ERVMER34-1: variants seen among roughly 807,000 people sequenced by gnomAD.
The protein encoded by ERVMER34-1 is endogenous retroviral envelope protein HEMO.
For missense variants in ERVMER34-1, 471 were observed against 295.1 expected, an observed-to-expected ratio of 1.60 and a Z score of -4.37; for synonymous variants, 199 against 111.7, an observed-to-expected ratio of 1.78 and a Z score of -4.93.
intron 2 of ERVMER34-1, among the ~76,000 whole-genome samples, chr4:52,746,243 C>G (rs1716155225): frequency 6.6e-6 from 1 of 152,136 alleles, no homozygotes; most frequent in African/African-American, 2.4e-5. Context: ...TGGTCTGGAA[C>G]CCCTGGCCTC....
chr4:52,747,897 C>T (rs995011722), intron 2 of ERVMER34-1, among the ~76,000 whole-genome samples: 1 of 152,110 alleles, frequency 6.6e-6, no homozygotes, highest in Non-Finnish European at 1.5e-5. Flanking sequence ...ATTAGCCAGG[C>T]GTGGCGGCAT....
Position 52,743,007 on chromosome 4 carries a change from C to T in ERVMER34-1, c.*822G>A, listed in dbSNP as rs567730484. The T allele has an allele frequency of 2.6e-5, 4 of 151,632 alleles. No individual in the cohort carries two copies. In the South Asian group the frequency reaches 6.3e-4, roughly 24 times the overall value. 9.4% of individuals were successfully genotyped at this position (151,632 alleles called of 1,614,324 possible). A position where few individuals can be genotyped will look rare whatever the true frequency, so the allele number is the denominator to read the frequency against. On this transcript the variant is annotated 3_prime_UTR_variant, in exon 3 of 3. Transcript: ENST00000443173. ...AGTATAATCTTTAGCAAGCTATCTA[C>T]CCTTTGAGTTGATTAATCTGTAAAA...
At chr4:52,748,473 G>A (rs1025160793) in intron 2 of ERVMER34-1, among the ~76,000 whole-genome samples, 3 of 152,158 alleles carry the variant, frequency 2.0e-5, no homozygotes, top group African/African-American at 7.2e-5. Context: ...CCCAGAACCA[G>A]ATTTCAATGG....
chr4:52,746,853 C>T (rs771007888), intron 2 of ERVMER34-1, among the ~76,000 whole-genome samples: 2 of 152,134 alleles, frequency 1.3e-5, no homozygotes, highest in Admixed American at 1.3e-4. Flanking sequence ...CTCTTTTTGG[C>T]TCTTTTGATC....
At chr4:52,749,738 G>A (rs182099935) in intron 2 of ERVMER34-1, among the ~76,000 whole-genome samples, 25 of 152,200 alleles carry the variant, frequency 1.6e-4, no homozygotes, top group African/African-American at 5.3e-4. Context: ...GCAGTGAGCC[G>A]AGATGGCAGC....
chr4:52,745,180 G>A lies in ERVMER34-1; in HGVS notation c.341C>T (p.Ala114Val). ...ASMEAQGLSFAQVRLLEGNFS... is the reference protein window; with the variant it reads ...ASMEAQGLSFVQVRLLEGNFS... ...ATTTCCCTCCAATAACCTTACTTGA[G>A]CAAAGGATAGACCTTGAGCTTCCAT... Residue 114 changes from alanine (A) to valine (V), a missense_variant, in exon 3 of 3, where the codon GCT becomes GTT. Ala to Val is a moderately conservative substitution (Grantham distance 64, BLOSUM62 0). Transcript: ENST00000443173. 1 of 704,064 alleles carries A rather than the reference G, an allele frequency of 1.4e-6. No individual in the cohort carries two copies. Among genetic ancestry groups the A allele is most frequent in the East Asian group, 2.7e-5 (1 of 37,280 alleles). 43.6% of individuals were successfully genotyped at this position (704,064 alleles called of 1,614,324 possible).
At position 52,747,853 on chromosome 4, in the gene ERVMER34-1, C is replaced by T. The variant is rs1316323414; in HGVS notation, c.-423-1910G>A. On this transcript the variant is annotated intron_variant, in intron 2 of 2. Transcript: ENST00000443173. ...GGGAGGTCGAGACCAGCCTGACCAA[C>T]ATGGAGAAATCCCATCTCTACTAAA... 2.0e-5 allele frequency among the ~76,000 whole-genome samples: 3 copies of T among 152,226 alleles called. No homozygotes were observed. The East Asian group carries it at 5.8e-4, about 29-fold the overall frequency.
intron 2 of ERVMER34-1, among the ~76,000 whole-genome samples, chr4:52,749,767 CTCTGTCTT>C (rs1390246571): frequency 6.6e-6 from 1 of 152,154 alleles, no homozygotes; most frequent in Non-Finnish European, 1.5e-5. Flanking sequence ...CAGAGCGAGG[CTCTGTCTT>C]AAACAAACAA....
intron 2 of ERVMER34-1, among the ~76,000 whole-genome samples, chr4:52,750,187 TG>T (rs1355893768): frequency 6.6e-6 from 1 of 151,990 alleles, no homozygotes; most frequent in Non-Finnish European, 1.5e-5. Flanking sequence ...TTAGTAGAGA[TG>T]GGGTTTCACC....
At position 52,745,176 on chromosome 4, in the gene ERVMER34-1, T is replaced by C. The variant is rs1396588244; in HGVS notation, c.345A>G (p.Gln115=). Residue 115 remains glutamine (Q), a synonymous_variant, in exon 3 of 3, where the codon CAA becomes CAG. Coordinates refer to ENST00000443173, the MANE Select transcript of ERVMER34-1 (RefSeq NM_001242690.2). ...SMEAQGLSFA[Q]VRLLEGNFSL... is the part of the protein sequence containing the mutation. ...AAAAATTTCCCTCCAATAACCTTACTTGAGCAAAGGATAGACCTTGAGCTT... is the reference window on the plus strand; with the variant it reads ...AAAAATTTCCCTCCAATAACCTTACCTGAGCAAAGGATAGACCTTGAGCTT... 2 of 704,008 alleles carry C rather than the reference T, an allele frequency of 2.8e-6. No homozygotes were observed. Among genetic ancestry groups the C allele is most frequent in the Non-Finnish European group, 5.2e-6 (2 of 385,004 alleles). 43.6% of individuals were successfully genotyped at this position (704,008 alleles called of 1,614,324 possible). A position where few individuals can be genotyped will look rare whatever the true frequency, so the allele number is the denominator to read the frequency against.
Position 52,745,109 on chromosome 4 carries a change from C to T in ERVMER34-1, c.412G>A (p.Gly138Ser). Residue 138 changes from glycine (G) to serine (S), a missense_variant, in exon 3 of 3, where the codon GGT (glycine) becomes AGT (serine). By Grantham distance (56) the Gly-to-Ser change is moderately conservative (BLOSUM62 0). Coordinates refer to ENST00000443173, the MANE Select transcript of ERVMER34-1 (RefSeq NM_001242690.2). ...ENKNGSGPFLGNIPKQYCNQI... is the reference protein window; with the variant it reads ...ENKNGSGPFLSNIPKQYCNQI... ...TTACAGTATTGTTTAGGTATATTAC[C>T]TAGGAAGGGTCCACTGCCATTTTTA... 2.8e-6 allele frequency: 2 copies of T among 704,110 alleles called. No homozygotes were observed. The highest frequency in any genetic ancestry group is 2.0e-5 in the Admixed American group (1 of 50,014). 43.6% of individuals were successfully genotyped at this position (704,110 alleles called of 1,614,324 possible).
chr4:52,745,804 T>C lies in ERVMER34-1; in HGVS notation c.-284A>G. 1 of 396,586 alleles carries C rather than the reference T, an allele frequency of 2.5e-6. No homozygotes were observed. Among genetic ancestry groups the C allele is most frequent in the Admixed American group, 4.1e-5 (1 of 24,648 alleles). 24.6% of individuals were successfully genotyped at this position (396,586 alleles called of 1,614,324 possible). ...TGTCATATAATGATCTCAATCTAGCTTCCTGTGGCTTGTACAAATTCAGGA... is the reference window on the plus strand; with the variant it reads ...TGTCATATAATGATCTCAATCTAGCCTCCTGTGGCTTGTACAAATTCAGGA... On this transcript the variant is annotated 5_prime_UTR_variant, in exon 3 of 3. Transcript: ENST00000443173.
chr4:52,744,084 T>C lies in ERVMER34-1; in HGVS notation c.1437A>G (p.Ile479Met). ...TGAACCAGTCTCCCACTTTTGCAAATATGCCTTGCCAATCAAGTAACGGTA... is the reference window on the plus strand; with the variant it reads ...TGAACCAGTCTCCCACTTTTGCAAACATGCCTTGCCAATCAAGTAACGGTA... ...KNVPLLDWQG[I>M]FAKVGDWFRS... Residue 479 changes from isoleucine to methionine, a missense_variant, in exon 3 of 3, where the codon ATA becomes ATG. Transcript: ENST00000443173. 1 of 704,320 alleles carries C rather than the reference T, an allele frequency of 1.4e-6. No individual in the cohort carries two copies. The highest frequency in any genetic ancestry group is 2.7e-5 in the East Asian group (1 of 37,294). 43.6% of individuals were successfully genotyped at this position (704,320 alleles called of 1,614,324 possible).
In ERVMER34-1 at chr4:52,745,279, C is replaced by G. The variant is rs370903866; in HGVS notation, c.242G>C (p.Trp81Ser). The change falls in exon 3 of 3, where the codon TGG becomes TCG. Residue 81 changes from tryptophan to serine, a missense_variant. Coordinates refer to ENST00000443173, the MANE Select transcript of ERVMER34-1 (RefSeq NM_001242690.2). ...ATTCTGTACTTCTGCTTGTGGATACCACACCCTTTCATACATCCATTGTCC... is the reference window on the plus strand; with the variant it reads ...ATTCTGTACTTCTGCTTGTGGATACGACACCCTTTCATACATCCATTGTCC... ...YSGQWMYERV[W>S]YPQAEVQNHS... 1.8e-5 allele frequency: 13 copies of G among 703,828 alleles called. No homozygotes were observed. In the African/African-American group the frequency reaches 2.3e-4, roughly 12 times the overall value. 43.6% of individuals were successfully genotyped at this position (703,828 alleles called of 1,614,324 possible).
chr4:52,744,105 C>T lies in ERVMER34-1; in HGVS notation c.1416G>A (p.Pro472=), dbSNP rs61731317. Residue 472 remains proline, a synonymous_variant, in exon 3 of 3, where the codon CCG becomes CCA. Coordinates refer to ENST00000443173, the MANE Select transcript of ERVMER34-1 (RefSeq NM_001242690.2). The part of the protein sequence containing the change: ...HEASENLKNV[P]LLDWQGIFAK... The stretch of plus-strand genomic sequence containing the variant: ...CAAATATGCCTTGCCAATCAAGTAA[C>T]GGTACATTCTTCAGGTTCTCGGATG... The T allele has an allele frequency of 0.11, 79,342 of 704,028 alleles. 4,704 individuals carry two copies. Among genetic ancestry groups the T allele is most frequent in the East Asian group, 0.15 (5,414 of 37,286 alleles). The allele number at this position is 704,028 out of a possible 1,614,324, so 43.6% of individuals were successfully genotyped here. A position where few individuals can be genotyped will look rare whatever the true frequency, so the allele number is the denominator to read the frequency against.
At position 52,744,630 on chromosome 4, in the gene ERVMER34-1, GA is replaced by G. The variant is rs751307882; in HGVS notation, c.890del (p.Leu297ProfsTer36). ...NLTLSVNNSG[L>X]FFLCGNGVYK... The stretch of plus-strand genomic sequence containing the variant: ...ACACCCCATTGCCGCACAAAAAAAA[GA>G]GGCCAGAGTTGTTCACAGACAAGGT... On this transcript the variant is annotated frameshift_variant, in exon 3 of 3. Coordinates refer to ENST00000443173, the MANE Select transcript of ERVMER34-1 (RefSeq NM_001242690.2). LOFTEE classifies it low-confidence loss of function (END_TRUNC). 46 of 703,976 alleles carry G rather than the reference GA, an allele frequency of 6.5e-5. 1 individual carries two copies. Among genetic ancestry groups the G allele is most frequent in the South Asian group, 6.5e-4 (44 of 67,602 alleles). The allele number at this position is 703,976 out of a possible 1,614,324, so 43.6% of individuals were successfully genotyped here. A position where few individuals can be genotyped will look rare whatever the true frequency, so the allele number is the denominator to read the frequency against.
chr4:52,742,697 T>G lies in ERVMER34-1; in HGVS notation c.*1132A>C, dbSNP rs1577731803. The G allele has an allele frequency of 6.6e-6, 1 of 151,804 alleles. No individual in the cohort carries two copies. The highest frequency in any genetic ancestry group is 1.5e-5 in the Non-Finnish European group (1 of 67,980). 9.4% of individuals were successfully genotyped at this position (151,804 alleles called of 1,614,324 possible). A position where few individuals can be genotyped will look rare whatever the true frequency, so the allele number is the denominator to read the frequency against. On this transcript the variant is annotated 3_prime_UTR_variant, in exon 3 of 3. Transcript: ENST00000443173. ...ACTTTGGGAGGTTGAGGTGGGCGGG[T>G]CATGAGGTCAGGAGACTGAGACCAT...
intron 2 of ERVMER34-1, chr4:52,750,675 G>A (rs1342644995): frequency 1.3e-5 from 2 of 152,300 alleles, no homozygotes; most frequent in African/African-American, 4.8e-5. Context: ...GGAGACATAG[G>A]AGAAGCTCAG....
rs1411647299 is a variant in ERVMER34-1, at chr4:52,742,728, C to G, written c.*1101G>C. 3.3e-5 allele frequency: 5 copies of G among 151,986 alleles called. No homozygotes were observed. Among genetic ancestry groups the G allele is most frequent in the African/African-American group, 1.2e-4 (5 of 41,342 alleles). The allele number at this position is 151,986 out of a possible 1,614,324, so 9.4% of individuals were successfully genotyped here. A position where few individuals can be genotyped will look rare whatever the true frequency, so the allele number is the denominator to read the frequency against. On this transcript the variant is annotated 3_prime_UTR_variant, in exon 3 of 3. Transcript: ENST00000443173. ...GGTCAGGAGACTGAGACCATCCTGG[C>G]TAACACGGTGAAACCCCGTCTCTAC...
Sources: gnomAD v4.1 joint callset for allele counts (sites outside exome capture counted in the v4.1 genomes callset) on GRCh38, gnomAD v4.1.1 for gene constraint, MANE v1.5 for transcripts, NCBI Gene and HGNC (gene_info 2026-07-23, HGNC 2026-07-21) for gene names.